MCC: variants seen among roughly 807,000 people sequenced by gnomAD.
The protein encoded by MCC is colorectal mutant cancer protein.
MCC carries 90 observed loss-of-function variants against 116.2 expected under a neutral mutation model. The observed-to-expected ratio is 0.77, with a 90% CI of 0.65 to 0.92. MCC has a LOEUF of 0.92. Ranked by LOEUF, MCC falls within the 40% of genes least tolerant of loss-of-function variation. The probability of loss-of-function intolerance (pLI) is 0.00; values close to 1 mark genes in which losing one functional copy is unlikely to be tolerated. For missense variants in MCC, 1,516 were observed against 1,312.2 expected (o/e 1.16, Z -2.40); for synonymous variants, 578 against 510.5 (o/e 1.13, Z -1.78).
rs781331890 is a variant in MCC at position 113,085,191 on chromosome 5, G to C, written c.1518C>G (p.Ser506Arg). ...NPSTGELSTS[S>R]SSNDIPIAKI... Reference sequence around the variant, plus strand: ...TGGCGATGGGAATGTCATTGCTGCTGCTGCTTGTGCTCAGCTCCCCAGTGC... The same window carrying C: ...TGGCGATGGGAATGTCATTGCTGCTCCTGCTTGTGCTCAGCTCCCCAGTGC... The change falls in exon 9 of 19, where the codon AGC (serine) becomes AGG (arginine). Residue 506 changes from serine to arginine, a missense_variant. Ser to Arg is a moderately radical substitution (Grantham distance 110). Coordinates refer to ENST00000408903, the MANE Select transcript of MCC (RefSeq NM_001085377.2). 12 of 1,614,194 alleles carry C rather than the reference G, an allele frequency of 7.4e-6. No individual in the cohort carries two copies. The highest frequency in any genetic ancestry group is 1.0e-5 in the Non-Finnish European group (12 of 1,180,044).
Position 113,283,355 on chromosome 5 carries a change from G to C in MCC, c.627+57164C>G, listed in dbSNP as rs547786826. Among the ~76,000 whole-genome samples the C allele has an allele frequency of 2.6e-5, 4 of 152,278 alleles. No individual in the cohort carries two copies. The East Asian group carries it at 7.7e-4, about 29-fold the overall frequency. On this transcript the variant is annotated intron_variant, in intron 3 of 18. Coordinates refer to ENST00000408903, the MANE Select transcript of MCC (RefSeq NM_001085377.2). ...AAAAGCCAAACCAGATTTAAAAATA[G>C]GTTAAGGACTTGAACAGATATTTTT...
Position 113,028,989 on chromosome 5 carries a change from C to T in MCC, c.2824G>A (p.Glu942Lys). 1 of 1,614,000 alleles carries T rather than the reference C, an allele frequency of 6.2e-7. No homozygotes were observed. Among genetic ancestry groups the T allele is most frequent in the Non-Finnish European group, 8.5e-7 (1 of 1,179,960 alleles). Residue 942 changes from glutamate to lysine, a missense_variant, in exon 18 of 19, where the codon GAA (glutamate) becomes AAA (lysine). By Grantham distance (56) the Glu-to-Lys change is moderately conservative. Transcript: ENST00000408903. ...SALERLTKSS[E>K]IRHQQSAEFV... ...TCTGCAGATTGCTGATGTCGGATTT[C>T]ACTGCTCTTGGTGAGTCTCTCCAAG...
At chr5:113,194,865 C>A (rs187936113) in intron 3 of MCC, among the ~76,000 whole-genome samples, 1 of 152,064 alleles carries the variant, frequency 6.6e-6, no homozygotes, top group South Asian at 2.1e-4. Context: ...ACAAAGCAAA[C>A]GCAATAAACC....
rs539422099 is a variant in MCC at position 113,069,522 on chromosome 5, A to G, written c.1926-1339T>C. 3.9e-5 allele frequency among the ~76,000 whole-genome samples: 6 copies of G among 152,096 alleles called. No individual in the cohort carries two copies. The East Asian group carries it at 1.2e-3, about 29-fold the overall frequency. On this transcript the variant is annotated intron_variant, in intron 12 of 18. Transcript: ENST00000408903. ...ACTGTCTAGCTTCTTCAAGCTGAAC[A>G]GGGGATATGTTGCTTCATTTAGTCA... is the stretch of plus-strand genomic sequence containing the variant.
chr5:113,091,809 T>C (rs911280564), intron 8 of MCC, among the ~76,000 whole-genome samples: 5 of 152,006 alleles, frequency 3.3e-5, no homozygotes, highest in African/African-American at 1.2e-4. Context: ...TGCTTGAGCC[T>C]GGCAGGTCAA....
intron 3 of MCC, among the ~76,000 whole-genome samples, chr5:113,159,848 T>C (rs572845015): frequency 5.3e-4 from 80 of 152,348 alleles, no homozygotes; most frequent in Middle Eastern, 6.8e-3. Flanking sequence ...ATGCTGCTCA[T>C]AGTCTTGAAA....
chr5:113,362,028 A>G (rs952453045), intron 2 of MCC, among the ~76,000 whole-genome samples: 1 of 152,228 alleles, frequency 6.6e-6, no homozygotes, highest in Non-Finnish European at 1.5e-5. Flanking sequence ...CTCAGACTCC[A>G]TGAACACATG....
At chr5:113,313,205 G>A (rs1041107993) in intron 3 of MCC, among the ~76,000 whole-genome samples, 3 of 152,016 alleles carry the variant, frequency 2.0e-5, no homozygotes, top group Non-Finnish European at 4.4e-5. Context: ...AAATTAGCTG[G>A]GTGTGGTGGT....
At chr5:113,137,753 G>A (rs1318924835) in intron 5 of MCC, among the ~76,000 whole-genome samples, 1 of 152,040 alleles carries the variant, frequency 6.6e-6, no homozygotes. Context: ...TCATAAGAAG[G>A]GCCACTTCCA....
intron 3 of MCC, among the ~76,000 whole-genome samples, chr5:113,263,994 A>G (rs1765315243): frequency 6.6e-6 from 1 of 152,144 alleles, no homozygotes; most frequent in Non-Finnish European, 1.5e-5. Context: ...TGCCTAAGTC[A>G]CGCATCTCAT....
intron 3 of MCC, among the ~76,000 whole-genome samples, chr5:113,201,087 TAAG>T (rs966913915): frequency 6.6e-6 from 1 of 151,860 alleles, no homozygotes; most frequent in Non-Finnish European, 1.5e-5. Flanking sequence ...GAACTGGAAA[TAAG>T]AAACTACTGG....
chr5:113,246,972 G>A (rs929328763), intron 3 of MCC, among the ~76,000 whole-genome samples: 5 of 152,172 alleles, frequency 3.3e-5, no homozygotes, highest in African/African-American at 1.2e-4. Flanking sequence ...GTCTTGGCAA[G>A]GCTCTCTGCG....
chr5:113,146,139 G>A (rs1357062354), intron 4 of MCC, among the ~76,000 whole-genome samples: 1 of 152,062 alleles, frequency 6.6e-6, no homozygotes, highest in Non-Finnish European at 1.5e-5. Context: ...AGCATACAAT[G>A]TAGTACTATA....
At chr5:113,277,357 G>C (rs1765869916) in intron 3 of MCC, among the ~76,000 whole-genome samples, 1 of 127,504 alleles carries the variant, frequency 7.8e-6, no homozygotes, top group South Asian at 2.3e-4. Context: ...GACAGAGTGA[G>C]ACTCCATCTC....
rs147460080 is a variant in MCC, at chr5:113,411,888, G to C, written c.171-26676C>G. On this transcript the variant is annotated intron_variant, in intron 1 of 18. Coordinates refer to ENST00000408903, the MANE Select transcript of MCC (RefSeq NM_001085377.2). Reference sequence around the variant, plus strand: ...TGGTATTCCCTGGGTTTTCTTCTAGGGTTTTTATAGTTTTTGGTCTAACAT... The same window carrying C: ...TGGTATTCCCTGGGTTTTCTTCTAGCGTTTTTATAGTTTTTGGTCTAACAT... 3.0e-4 allele frequency among the ~76,000 whole-genome samples: 45 copies of C among 152,032 alleles called. No homozygotes were observed. The East Asian group carries it at 8.3e-3, about 28-fold the overall frequency.
intron 4 of MCC, among the ~76,000 whole-genome samples, chr5:113,145,336 G>A (rs1417065331): frequency 3.9e-5 from 6 of 152,258 alleles, no homozygotes; most frequent in Non-Finnish European, 7.4e-5. Context: ...TCAATGCTGT[G>A]ACTCCTATGT....
At chr5:113,212,007 G>C (rs1034043778) in intron 3 of MCC, among the ~76,000 whole-genome samples, 1 of 152,176 alleles carries the variant, frequency 6.6e-6, no homozygotes, top group East Asian at 1.9e-4. Context: ...TGGCTTCCCT[G>C]AGAGAATATC....
At chr5:113,066,159 GATTT>G (rs1380221157) in intron 13 of MCC, among the ~76,000 whole-genome samples, 6 of 152,176 alleles carry the variant, frequency 3.9e-5, no homozygotes, top group Non-Finnish European at 8.8e-5. Flanking sequence ...TTAAAAGGCA[GATTT>G]ATTTAAGCTC....
rs143453268 is a variant in MCC at position 113,374,599 on chromosome 5, T to C, written c.415+10369A>G. Among the ~76,000 whole-genome samples, 6 of 152,256 alleles carry C rather than the reference T, an allele frequency of 3.9e-5. No homozygotes were observed. In the East Asian group the frequency reaches 1.2e-3, roughly 29 times the overall value. ...TCATCTTAAAAATTCATTTGAATGG[T>C]TAATTCTACGCCATATTTGTATTAA... is the stretch of plus-strand genomic sequence containing the variant. On this transcript the variant is annotated intron_variant, in intron 2 of 18. Coordinates refer to ENST00000408903, the MANE Select transcript of MCC (RefSeq NM_001085377.2).
Sources: allele counts gnomAD v4.1 joint callset (sites outside exome capture counted in the v4.1 genomes callset), GRCh38; gene constraint gnomAD v4.1.1; transcripts MANE v1.5; gene names NCBI Gene and HGNC (gene_info 2026-07-23, HGNC 2026-07-21).